Variants in MCM9 observed in about 807,000 individuals in gnomAD.
MCM9 encodes the protein minichromosome maintenance 9 homologous recombination repair factor, also known as DNA helicase MCM9.
MCM9 carries 55 observed loss-of-function variants against 72.8 expected under a neutral mutation model. The ratio of observed to expected loss-of-function variants is 0.76; its 90% CI spans 0.61 to 0.95. The LOEUF is 0.95. Among genes scored for constraint, MCM9 ranks in the 40% least tolerant of loss-of-function variants. MCM9 has a pLI of 0.00. For synonymous variants in MCM9, 480 were observed against 503.4 expected (o/e 0.95, Z 0.62); for missense variants, 1,279 against 1,377.0 (o/e 0.93, Z 1.13).
At position 118,924,210 on chromosome 6, in the gene MCM9, A is replaced by G; in HGVS notation, c.305-83T>C. ...GATATATTCTTCTCCTATTTCCTGAAAGATAAATTTTAATTTCAGGGGGAA... is the reference window on the plus strand; with the variant it reads ...GATATATTCTTCTCCTATTTCCTGAGAGATAAATTTTAATTTCAGGGGGAA... On this transcript the variant is annotated intron_variant, in intron 3 of 13. Transcript: ENST00000619706. The G allele has an allele frequency of 4.8e-6, 6 of 1,263,156 alleles. No individual in the cohort carries two copies. In the South Asian group the frequency reaches 8.9e-5, roughly 19 times the overall value. 78.2% of individuals were successfully genotyped at this position (1,263,156 alleles called of 1,614,324 possible). A position where few individuals can be genotyped will look rare whatever the true frequency, so the allele number is the denominator to read the frequency against.
chr6:118,926,952 T>C (rs1781948356), intron 3 of MCM9, among the ~76,000 whole-genome samples: 1 of 152,054 alleles, frequency 6.6e-6, no homozygotes, highest in Non-Finnish European at 1.5e-5. Flanking sequence ...CTTCTCGAAA[T>C]ATAAACAGAA....
At position 118,815,477 on chromosome 6, in the gene MCM9, G is replaced by C; in HGVS notation, c.2779C>G (p.Gln927Glu). 6.5e-7 allele frequency: 1 copy of C among 1,548,096 alleles called. No homozygotes were observed. The highest frequency in any genetic ancestry group is 8.7e-7 in the Non-Finnish European group (1 of 1,146,252). Reference protein sequence around the residue: ...VAKLAKFTFKQKSKLIHSFED... With the variant: ...VAKLAKFTFKEKSKLIHSFED... ...AAGGAGTGGATCAGTTTTGACTTCT[G>C]CTTGAAAGTAAATTTTGCCAGTTTG... is the stretch of plus-strand genomic sequence containing the variant. The change falls in exon 14 of 14, where the codon CAG (glutamine) becomes GAG (glutamate). Residue 927 changes from glutamine to glutamate, a missense_variant. By Grantham distance (29) the Gln-to-Glu change is conservative. Transcript: ENST00000619706.
intron 3 of MCM9, among the ~76,000 whole-genome samples, chr6:118,930,085 A>ATATT (rs554931394): frequency 4.7e-4 from 70 of 148,818 alleles, no homozygotes; most frequent in Middle Eastern, 3.4e-3. Context: ...TATAAGGTAA[A>ATATT]TATTTATTTA....
intron 8 of MCM9, among the ~76,000 whole-genome samples, chr6:118,872,394 T>C (rs1346821481): frequency 6.6e-6 from 1 of 151,666 alleles, no homozygotes; most frequent in Non-Finnish European, 1.5e-5. Flanking sequence ...AAAACAGTTC[T>C]AAATAACACA....
At chr6:118,895,617 T>C (rs1053428578) in intron 8 of MCM9, among the ~76,000 whole-genome samples, 12 of 152,152 alleles carry the variant, frequency 7.9e-5, no homozygotes, top group African/African-American at 2.4e-4. Flanking sequence ...TTTTAAGGTC[T>C]TAAAAATACG....
chr6:118,831,489 A>G (rs1774559699), intron 9 of MCM9, among the ~76,000 whole-genome samples: 1 of 152,142 alleles, frequency 6.6e-6, no homozygotes, highest in South Asian at 2.1e-4. Flanking sequence ...ATGAGAGATA[A>G]GTCAGGCAGA....
chr6:118,908,344 A>C (rs1012731995), intron 8 of MCM9: 1 of 152,146 alleles, frequency 6.6e-6, no homozygotes, highest in African/African-American at 2.4e-5. Flanking sequence ...TTCAAGACCA[A>C]ATACAATATC....
intron 8 of MCM9, among the ~76,000 whole-genome samples, chr6:118,875,732 C>G (rs1396574688): frequency 1.3e-5 from 2 of 152,168 alleles, no homozygotes; most frequent in African/African-American, 2.4e-5. Context: ...ACTGACAACA[C>G]CAAGTGATGG....
rs775956720 is a variant in MCM9 at position 118,923,812 on chromosome 6, T to G, written c.620A>C (p.Gln207Pro). Residue 207 changes from glutamine (Q) to proline (P), a missense_variant and splice_region_variant, in exon 4 of 14, where the codon CAG (glutamine) becomes CCG (proline). Physicochemically the swap from Gln to Pro is moderately conservative, Grantham distance 76. Transcript: ENST00000619706. ...RDYQEIKIQE[Q>P]VQRLSVGSIP... ...TATCTCGTTTATGTGATTATTTACC[T>G]GTTCCTGAATTTTGATTTCCTGGTA... The G allele has an allele frequency of 2.4e-5, 39 of 1,611,474 alleles. No homozygotes were observed. The Admixed American group carries it at 6.5e-4, about 27-fold the overall frequency.
In MCM9 at chr6:118,815,403, A is replaced by G. The variant is rs1562395524; in HGVS notation, c.2853T>C (p.His951=). ...TTCTACGCTGGGAAATTTTAGGACT[A>G]TGAACTGCTATTTTAGTTGCACCAG... is the stretch of plus-strand genomic sequence containing the variant. The part of the protein sequence containing the change: ...VSPGATKIAV[H]SPKISQRRTR... The change falls in exon 14 of 14, where the codon CAT becomes CAC. Residue 951 remains histidine, a synonymous_variant. Coordinates refer to ENST00000619706, the MANE Select transcript of MCM9 (RefSeq NM_017696.3). The G allele has an allele frequency of 1.3e-6, 2 of 1,550,400 alleles. No homozygotes were observed. The highest frequency in any genetic ancestry group is 2.4e-5 in the East Asian group (1 of 40,892).
At chr6:118,914,839 T>A (rs563218802) in intron 6 of MCM9, among the ~76,000 whole-genome samples, 4 of 152,200 alleles carry the variant, frequency 2.6e-5, no homozygotes, top group Non-Finnish European at 5.9e-5. Context: ...GGTGTCATGT[T>A]TGGATTCAAA....
At position 118,875,914 on chromosome 6, in the gene MCM9, C is replaced by T. The variant is rs539447238; in HGVS notation, c.1151-19369G>A. 6.6e-5 allele frequency among the ~76,000 whole-genome samples: 10 copies of T among 152,276 alleles called. No homozygotes were observed. In the South Asian group the frequency reaches 1.9e-3, roughly 28 times the overall value. ...ATAAGGCACTGGAAAGTTATATGCA[C>T]ATAAAAACCTGCTCACAGGTGTTTA... On this transcript the variant is annotated intron_variant, in intron 8 of 13. Transcript: ENST00000619706.
chr6:118,914,168 TAAG>T (rs1392014678), intron 6 of MCM9, among the ~76,000 whole-genome samples: 1 of 152,178 alleles, frequency 6.6e-6, no homozygotes, highest in Non-Finnish European at 1.5e-5. Context: ...ATCAAGGCAT[TAAG>T]AAGATCACTG....
At chr6:118,869,406 T>C (rs1777434921) in intron 8 of MCM9, among the ~76,000 whole-genome samples, 1 of 151,756 alleles carries the variant, frequency 6.6e-6, no homozygotes, top group African/African-American at 2.4e-5. Flanking sequence ...ACTTAAAGTA[T>C]AATAATAAAA....
At chr6:118,878,122 A>G (rs567569443) in intron 8 of MCM9, among the ~76,000 whole-genome samples, 21 of 152,294 alleles carry the variant, frequency 1.4e-4, no homozygotes, top group Non-Finnish European at 2.2e-4. Context: ...TGATAACACT[A>G]CTGCACTCCA....
At chr6:118,829,403 A>G (rs1774381777) in intron 9 of MCM9, 153 bp from the exon 10 acceptor site, 5 of 692,880 alleles carry the variant, frequency 7.2e-6, no homozygotes, top group Non-Finnish European at 1.2e-5. Flanking sequence ...TATCACAAAC[A>G]TCAACTTCCA....
intron 4 of MCM9, among the ~76,000 whole-genome samples, chr6:118,922,743 T>C (rs1781532158): frequency 6.6e-6 from 1 of 152,130 alleles, no homozygotes; most frequent in Non-Finnish European, 1.5e-5. Flanking sequence ...GTATTAAGAA[T>C]GGTTGAGGCC....
chr6:118,868,442 C>T (rs1026048662), intron 8 of MCM9, among the ~76,000 whole-genome samples: 6 of 152,140 alleles, frequency 3.9e-5, no homozygotes, highest in African/African-American at 1.4e-4. Flanking sequence ...AACTAAAGAG[C>T]TTCTGCGTGG....
intron 9 of MCM9, among the ~76,000 whole-genome samples, chr6:118,830,328 A>G (rs1422865690): frequency 6.6e-6 from 1 of 152,248 alleles, no homozygotes; most frequent in Non-Finnish European, 1.5e-5. Context: ...TCTAGCTAGC[A>G]GCTACTTCAT....
Sources: allele counts gnomAD v4.1 joint callset (sites outside exome capture counted in the v4.1 genomes callset), GRCh38; gene constraint gnomAD v4.1.1; transcripts MANE v1.5; gene names NCBI Gene and HGNC (gene_info 2026-07-23, HGNC 2026-07-21).